The following BBS9 variants were observed in gnomAD, a reference collection of about 807,000 sequenced individuals.
The protein encoded by BBS9 is protein PTHB1.
A neutral mutation model predicts 117.7 loss-of-function variants in BBS9; 89 were observed. The observed-to-expected ratio is 0.76, with a 90% CI of 0.64 to 0.90. The LOEUF (loss-of-function observed/expected upper bound fraction) is 0.90, where lower values mean the gene tolerates loss of function less well. Ranked by LOEUF, BBS9 falls within the 40% of genes least tolerant of loss-of-function variation. The probability of loss-of-function intolerance (pLI) is 0.00; values close to 1 mark genes in which losing one functional copy is unlikely to be tolerated. For synonymous variants in BBS9, 379 were observed against 370.9 expected, an observed-to-expected ratio of 1.02 and a Z score of -0.25; for missense variants, 982 against 1,042.2, an observed-to-expected ratio of 0.94 and a Z score of 0.80.
intron 19 of BBS9, among the ~76,000 whole-genome samples, chr7:33,463,383 T>C (rs1006534551): frequency 2.6e-5 from 4 of 152,032 alleles, no homozygotes; most frequent in Non-Finnish European, 5.9e-5. Flanking sequence ...TCTTGCTCTG[T>C]AGATCCAGTT....
chr7:33,502,094 A>G (rs899855387), intron 19 of BBS9, among the ~76,000 whole-genome samples: 5 of 151,842 alleles, frequency 3.3e-5, no homozygotes, highest in Non-Finnish European at 7.4e-5. Flanking sequence ...ATTTTTAGTA[A>G]AGATGGGTTT....
intron 9 of BBS9, among the ~76,000 whole-genome samples, chr7:33,310,238 C>G (rs1273451071): frequency 6.6e-6 from 1 of 152,186 alleles, no homozygotes; most frequent in East Asian, 1.9e-4. Flanking sequence ...TTCTTTCTGT[C>G]ATTGTTTTTC....
intron 5 of BBS9, among the ~76,000 whole-genome samples, chr7:33,234,714 CACAT>C (rs1288098420): frequency 6.6e-6 from 1 of 150,618 alleles, no homozygotes; most frequent in Admixed American, 6.6e-5. Flanking sequence ...CACACACACA[CACAT>C]ACATTTATAT....
intron 21 of BBS9, among the ~76,000 whole-genome samples, chr7:33,575,102 T>C (rs1585320645): frequency 6.6e-6 from 1 of 152,026 alleles, no homozygotes; most frequent in South Asian, 2.1e-4. Context: ...TTGAGGCTGG[T>C]AAGTATTTGT....
intron 19 of BBS9, among the ~76,000 whole-genome samples, chr7:33,490,164 GCTA>G (rs914213347): frequency 3.0e-4 from 45 of 152,162 alleles, no homozygotes; most frequent in African/African-American, 9.6e-4. Flanking sequence ...GTCTATTTTA[GCTA>G]CTTCGAAGGA....
intron 21 of BBS9, among the ~76,000 whole-genome samples, chr7:33,572,027 A>C (rs1267911385): frequency 1.3e-5 from 2 of 151,756 alleles, no homozygotes; most frequent in Non-Finnish European, 2.9e-5. Flanking sequence ...TGAACATTAG[A>C]CCTTATTCCC....
At chr7:33,229,477 G>C (rs7785463) in intron 5 of BBS9, among the ~76,000 whole-genome samples, 46,295 of 151,992 alleles carry the variant, frequency 0.3, 7,521 homozygotes, top group Admixed American at 0.42. Context: ...ATATAAGTGA[G>C]AACATGCAAT....
At chr7:33,493,775 C>T (rs1336247654) in intron 19 of BBS9, among the ~76,000 whole-genome samples, 1 of 152,280 alleles carries the variant, frequency 6.6e-6, no homozygotes, top group East Asian at 1.9e-4. Context: ...TAGGTTTACA[C>T]CTTGGACCCC....
intron 19 of BBS9, among the ~76,000 whole-genome samples, chr7:33,458,806 C>A (rs1839024021): frequency 6.6e-6 from 1 of 152,100 alleles, no homozygotes. Flanking sequence ...TATGACAATT[C>A]TTTTAGTACT....
intron 19 of BBS9, among the ~76,000 whole-genome samples, chr7:33,490,053 T>A (rs1843688423): frequency 6.6e-6 from 1 of 152,238 alleles, no homozygotes; most frequent in East Asian, 1.9e-4. Context: ...CAATTTGAAC[T>A]GTGACACCTG....
chr7:33,340,866 A>G, intron 10 of BBS9, 31 bp from the exon 11 acceptor site: 1 of 1,581,758 alleles, frequency 6.3e-7, no homozygotes, highest in Non-Finnish European at 8.7e-7. Context: ...TTACTTTATG[A>G]TTAAATAATT....
At chr7:33,172,318 T>G (rs1050602798) in intron 4 of BBS9, among the ~76,000 whole-genome samples, 8 of 151,788 alleles carry the variant, frequency 5.3e-5, no homozygotes, top group Non-Finnish European at 1.0e-4. Flanking sequence ...GCGGTGGAGC[T>G]TGCAGTGAGC....
intron 19 of BBS9, among the ~76,000 whole-genome samples, chr7:33,467,567 A>ACCCCCC (rs1563215445): frequency 3.4e-4 from 20 of 59,430 alleles, no homozygotes; most frequent in South Asian, 5.6e-4. Flanking sequence ...GAACCCCCCA[A>ACCCCCC]CTCCGCCACC....
chr7:33,308,050 G>A (rs1001285170), intron 9 of BBS9, among the ~76,000 whole-genome samples: 25 of 152,184 alleles, frequency 1.6e-4, no homozygotes, highest in African/African-American at 5.5e-4. Context: ...GTGTATAGTG[G>A]GGCTGGGATT....
At chr7:33,619,464 A>G (rs557957179) in intron 21 of BBS9, among the ~76,000 whole-genome samples, 5 of 152,246 alleles carry the variant, frequency 3.3e-5, no homozygotes, top group South Asian at 4.1e-4. Flanking sequence ...CAGAAAATCA[A>G]TAAGAAAAAC....
intron 17 of BBS9, among the ~76,000 whole-genome samples, chr7:33,368,154 A>T (rs1239817147): frequency 6.6e-6 from 1 of 152,158 alleles, no homozygotes; most frequent in Non-Finnish European, 1.5e-5. Flanking sequence ...TTTGTCTTGG[A>T]GCTAAGAAGA....
chr7:33,604,366 A>T (rs909780952), intron 21 of BBS9, among the ~76,000 whole-genome samples: 1 of 152,162 alleles, frequency 6.6e-6, no homozygotes, highest in Non-Finnish European at 1.5e-5. Context: ...CTGTGCTGTA[A>T]GGTGTTGGGA....
intron 5 of BBS9, among the ~76,000 whole-genome samples, chr7:33,256,030 G>A (rs1048420665): frequency 6.6e-6 from 1 of 152,292 alleles, no homozygotes; most frequent in East Asian, 1.9e-4. Flanking sequence ...GGTGGTGCCT[G>A]TAGTCCCAGC....
At chr7:33,582,854 A>G (rs1330939784) in intron 21 of BBS9, among the ~76,000 whole-genome samples, 2 of 152,068 alleles carry the variant, frequency 1.3e-5, no homozygotes, top group Non-Finnish European at 2.9e-5. Flanking sequence ...TATGACTGCC[A>G]TGGTGTTGCA....
Sources: gnomAD v4.1 joint callset for allele counts (sites outside exome capture counted in the v4.1 genomes callset) on GRCh38, gnomAD v4.1.1 for gene constraint, MANE v1.5 for transcripts, NCBI Gene and HGNC (gene_info 2026-07-23, HGNC 2026-07-21) for gene names.